BICRA: variants seen among roughly 807,000 people sequenced by gnomAD.
BICRA encodes BRD4 interacting chromatin remodeling complex associated protein, also known as BRD4-interacting chromatin-remodeling complex-associated protein.
A neutral mutation model predicts 96.9 loss-of-function variants in BICRA; 31 were observed. That is an observed-to-expected ratio of 0.32 (90% confidence interval 0.24 to 0.43). BICRA has a LOEUF of 0.43. BICRA is among the 20% of genes least tolerant of loss of function. The probability of loss-of-function intolerance (pLI) is 1.00; values close to 1 mark genes in which losing one functional copy is unlikely to be tolerated. For missense variants in BICRA, 2,283 were observed against 2,190.3 expected (o/e 1.04, Z -0.84); for synonymous variants, 1,350 against 1,071.8 (o/e 1.26, Z -5.07).
chr19:47,643,600 A>G (rs938948698), intron 1 of BICRA, among the ~76,000 whole-genome samples: 1 of 152,248 alleles, frequency 6.6e-6, no homozygotes, highest in African/African-American at 2.4e-5. Context: ...GGCTGTGGAC[A>G]GAAGAGCTCA....
chr19:47,617,291 A>G (rs1339606545), intron 1 of BICRA, among the ~76,000 whole-genome samples: 2 of 151,510 alleles, frequency 1.3e-5, no homozygotes, highest in African/African-American at 2.4e-5. Flanking sequence ...GTTTATTATT[A>G]TTTTGTTTTC....
intron 7 of BICRA, among the ~76,000 whole-genome samples, chr19:47,693,050 G>C (rs1046087919): frequency 6.6e-6 from 1 of 152,236 alleles, no homozygotes; most frequent in African/African-American, 2.4e-5. Flanking sequence ...TGCCCTCAGG[G>C]CTAGGGAGAG....
intron 1 of BICRA, among the ~76,000 whole-genome samples, chr19:47,643,576 G>A (rs1972414754): frequency 6.6e-6 from 1 of 152,176 alleles, no homozygotes; most frequent in African/African-American, 2.4e-5. Flanking sequence ...GGGGACACCA[G>A]CCTCCCACTG....
chr19:47,699,770 G>A lies in BICRA; in HGVS notation c.3595+365G>A, dbSNP rs1167876804. Among the ~76,000 whole-genome samples the A allele has an allele frequency of 6.6e-6, 1 of 152,138 alleles. No individual in the cohort carries two copies. Among genetic ancestry groups the A allele is most frequent in the African/African-American group, 2.4e-5 (1 of 41,438 alleles). ...AGTCCTTTGCTTGGGGACCCTGAGA[G>A]TGAGCACCTCCTTAAGTGTTGCACC... On this transcript the variant is annotated intron_variant, in intron 14 of 14. Transcript: ENST00000594866. This position sits in a 1 kb window ranked among gnomAD's most constrained non-coding sequence, Gnocchi z 5.0.
chr19:47,662,034 C>T (rs10419605), intron 1 of BICRA: 89 of 152,360 alleles, frequency 5.8e-4, no homozygotes, highest in African/African-American at 2.1e-3. Context: ...TGGGAGGATC[C>T]CTGGAGCCCA....
intron 1 of BICRA, among the ~76,000 whole-genome samples, chr19:47,620,689 A>AAT (rs1972053099): frequency 6.7e-6 from 1 of 149,980 alleles, no homozygotes; most frequent in African/African-American, 2.5e-5. Flanking sequence ...AAAAAAAAAA[A>AAT]CAAGAACAAA....
chr19:47,685,872 A>C (rs1269155887), intron 7 of BICRA, among the ~76,000 whole-genome samples: 1 of 150,962 alleles, frequency 6.6e-6, no homozygotes, highest in African/African-American at 2.4e-5. Flanking sequence ...GGCTTTGCTT[A>C]TTTAGCAACG....
chr19:47,626,839 A>G (rs1240625968), intron 1 of BICRA, among the ~76,000 whole-genome samples: 1 of 149,556 alleles, frequency 6.7e-6, no homozygotes. Context: ...CTCCTGCCTC[A>G]GCCTCTGGAG....
At chr19:47,609,445 TCCA>T (rs1971861877) in intron 1 of BICRA, among the ~76,000 whole-genome samples, 1 of 110,750 alleles carries the variant, frequency 9.0e-6, no homozygotes, top group Non-Finnish European at 1.9e-5. Context: ...CCGCGTCTCT[TCCA>T]CCACCGCCGC....
intron 11 of BICRA, among the ~76,000 whole-genome samples, chr19:47,697,964 C>G (rs572126420): frequency 1.3e-5 from 2 of 152,218 alleles, no homozygotes; most frequent in Non-Finnish European, 2.9e-5. Context: ...GCCTCGGCCC[C>G]GCAAAGCGCT....
At chr19:47,630,305 C>T (rs554909095) in intron 1 of BICRA, among the ~76,000 whole-genome samples, 1 of 151,756 alleles carries the variant, frequency 6.6e-6, no homozygotes, top group African/African-American at 2.4e-5. Flanking sequence ...GGACTATAGG[C>T]GTCCGCCACC....
intron 7 of BICRA, among the ~76,000 whole-genome samples, chr19:47,689,305 T>C (rs1414208659): frequency 6.6e-6 from 1 of 152,196 alleles, no homozygotes; most frequent in African/African-American, 2.4e-5. Flanking sequence ...GGTCTTGCTC[T>C]GTTGCCCAGG....
intron 5 of BICRA, among the ~76,000 whole-genome samples, chr19:47,677,360 T>C (rs1972957009): frequency 1.3e-5 from 2 of 152,220 alleles, no homozygotes; most frequent in African/African-American, 2.4e-5. Flanking sequence ...TATTTTTCCA[T>C]GCGTGTCCTG....
At chr19:47,620,303 A>G (rs1420558688) in intron 1 of BICRA, among the ~76,000 whole-genome samples, 4 of 152,058 alleles carry the variant, frequency 2.6e-5, no homozygotes, top group Non-Finnish European at 5.9e-5. Context: ...GGTGGATGAC[A>G]GGCATGTCCC....
chr19:47,694,470 C>CA lies in BICRA; in HGVS notation c.2639_2640insA (p.Pro881SerfsTer13). On this transcript the variant is annotated frameshift_variant, in exon 8 of 15. Coordinates refer to ENST00000594866, the MANE Select transcript of BICRA (RefSeq NM_001394372.1). LOFTEE classifies it high-confidence loss of function. ...CCGCTGCCCCCAGCCCCCCACCTCC[C>CA]TCCATCCTCCACCTCCTCTGCTGTG... is the stretch of plus-strand genomic sequence containing the variant. 3 of 1,337,858 alleles carry CA rather than the reference C, an allele frequency of 2.2e-6. No individual in the cohort carries two copies. The highest frequency in any genetic ancestry group is 3.2e-6 in the Non-Finnish European group (3 of 936,222). 82.9% of individuals were successfully genotyped at this position (1,337,858 alleles called of 1,614,324 possible).
At chr19:47,629,378 C>T (rs79480637) in intron 1 of BICRA, among the ~76,000 whole-genome samples, 4,147 of 152,226 alleles carry the variant, frequency 0.027, 163 homozygotes, top group African/African-American at 0.09. Flanking sequence ...AACTTTCTGT[C>T]TCTATGAATT....
intron 1 of BICRA, among the ~76,000 whole-genome samples, chr19:47,646,283 C>T (rs967855162): frequency 6.6e-6 from 1 of 152,128 alleles, no homozygotes; most frequent in African/African-American, 2.4e-5. Context: ...ACACCAGGGT[C>T]CTCAGGGGAG....
rs548994113 is a variant in BICRA, at chr19:47,654,169, G to A, written c.-107-16274G>A. The stretch of plus-strand genomic sequence containing the variant: ...TCCTACCGACAGTGAGTGAGCATTC[G>A]TGTTCCGCCACACCCTCACGAACAC... On this transcript the variant is annotated intron_variant, in intron 1 of 14. Transcript: ENST00000594866. Among the ~76,000 whole-genome samples, 20 of 152,270 alleles carry A rather than the reference G, an allele frequency of 1.3e-4. No individual in the cohort carries two copies. In the East Asian group the frequency reaches 3.7e-3, roughly 28 times the overall value.
chr19:47,672,240 G>A (rs1023517341), intron 2 of BICRA, among the ~76,000 whole-genome samples: 2 of 149,230 alleles, frequency 1.3e-5, no homozygotes, highest in Non-Finnish European at 3.0e-5. Context: ...TGGAAGGATG[G>A]AGGGATGGGT....
Sources: gnomAD v4.1 joint callset for allele counts (sites outside exome capture counted in the v4.1 genomes callset) on GRCh38, gnomAD v4.1.1 for gene constraint, Gnocchi (gnomAD v3.1) non-coding constraint, MANE v1.5 for transcripts, NCBI Gene and HGNC (gene_info 2026-07-23, HGNC 2026-07-21) for gene names.